Variants in NKAIN2 observed in about 807,000 individuals in gnomAD.
The protein encoded by NKAIN2 is sodium/potassium-transporting ATPase subunit beta-1-interacting protein 2.
In NKAIN2, 14 loss-of-function variants were observed where a neutral mutation model predicts 32.6. The observed-to-expected ratio is 0.43, with a 90% CI of 0.28 to 0.67. The LOEUF is 0.67. Ranked by LOEUF, NKAIN2 falls within the 30% of genes least tolerant of loss-of-function variation. NKAIN2 has a pLI of 0.17. For synonymous variants in NKAIN2, 80 were observed against 87.2 expected, an observed-to-expected ratio of 0.92 and a Z score of 0.46; for missense variants, 198 against 258.3, an observed-to-expected ratio of 0.77 and a Z score of 1.60.
chr6:124,344,310 T>C (rs964366327), intron 2 of NKAIN2, among the ~76,000 whole-genome samples: 1 of 152,144 alleles, frequency 6.6e-6, no homozygotes, highest in Non-Finnish European at 1.5e-5. Context: ...CACTTGGTGA[T>C]GCGGGCTCTT....
rs575109489 is a variant in NKAIN2 at position 123,866,177 on chromosome 6, C to T, written c.54+61923C>T. Among the ~76,000 whole-genome samples the T allele has an allele frequency of 3.9e-5, 6 of 152,286 alleles. No homozygotes were observed. The South Asian group carries it at 1.2e-3, about 32-fold the overall frequency. ...TCAGTGCCGTTGGTTATTTAGTTTT[C>T]TCTCCCCTGTACCTTTAACATCTCT... is the stretch of plus-strand genomic sequence containing the variant. On this transcript the variant is annotated intron_variant, in intron 1 of 6. Coordinates refer to ENST00000368417, the MANE Select transcript of NKAIN2 (RefSeq NM_001040214.3).
intron 1 of NKAIN2, among the ~76,000 whole-genome samples, chr6:123,886,095 A>G (rs981602941): frequency 2.6e-5 from 4 of 152,074 alleles, no homozygotes; most frequent in Non-Finnish European, 5.9e-5. Flanking sequence ...TTACCTATCA[A>G]ATTAACCAGA....
chr6:124,520,177 G>A (rs1402774614), intron 3 of NKAIN2, among the ~76,000 whole-genome samples: 1 of 152,004 alleles, frequency 6.6e-6, no homozygotes, highest in African/African-American at 2.4e-5. Flanking sequence ...CTCAAAGTGT[G>A]GAATTTAGCT....
intron 1 of NKAIN2, among the ~76,000 whole-genome samples, chr6:124,164,212 A>G (rs1305736306): frequency 6.6e-6 from 1 of 152,054 alleles, no homozygotes; most frequent in Non-Finnish European, 1.5e-5. Context: ...CTCTTAATAT[A>G]CTTTCATTTT....
At chr6:124,377,480 C>T (rs757369422) in intron 3 of NKAIN2, among the ~76,000 whole-genome samples, 2 of 152,074 alleles carry the variant, frequency 1.3e-5, no homozygotes, top group East Asian at 3.9e-4. Flanking sequence ...TGGGACTTAA[C>T]TGAAATTTGG....
At chr6:123,851,244 A>ATTTTTTTT (rs59287833) in intron 1 of NKAIN2, among the ~76,000 whole-genome samples, 22 of 88,196 alleles carry the variant, frequency 2.5e-4, no homozygotes, top group East Asian at 8.0e-4. Context: ...TGGTGGTTCT[A>ATTTTTTTT]TTTTTTTTTT....
At chr6:123,900,531 A>ATTT (rs1774515956) in intron 1 of NKAIN2, among the ~76,000 whole-genome samples, 4 of 23,848 alleles carry the variant, frequency 1.7e-4, no homozygotes, top group Non-Finnish European at 5.7e-4. Context: ...TCTCCAGATT[A>ATTT]GTTTTTTTTT....
intron 4 of NKAIN2, among the ~76,000 whole-genome samples, chr6:124,696,295 C>CAG (rs1184414586): frequency 1.3e-5 from 2 of 152,018 alleles, no homozygotes; most frequent in African/African-American, 4.8e-5. Context: ...AGGAGAAGCT[C>CAG]AGAGAGAGAG....
At chr6:124,261,630 T>A (rs1236743662) in intron 1 of NKAIN2, among the ~76,000 whole-genome samples, 1 of 152,086 alleles carries the variant, frequency 6.6e-6, no homozygotes, top group African/African-American at 2.4e-5. Context: ...GGGGCCAAGG[T>A]AGGTGGATCA....
At chr6:124,357,146 A>G (rs1346043596) in intron 3 of NKAIN2, among the ~76,000 whole-genome samples, 1 of 152,164 alleles carries the variant, frequency 6.6e-6, no homozygotes, top group Non-Finnish European at 1.5e-5. Context: ...GAAACAGTTG[A>G]TAATATTTTA....
At chr6:124,021,236 C>G (rs756192458) in intron 1 of NKAIN2, among the ~76,000 whole-genome samples, 1 of 152,022 alleles carries the variant, frequency 6.6e-6, no homozygotes, top group Non-Finnish European at 1.5e-5. Context: ...CACACACGTA[C>G]ACACACGTAA....
chr6:124,070,769 A>T (rs1783422535), intron 1 of NKAIN2, among the ~76,000 whole-genome samples: 1 of 152,170 alleles, frequency 6.6e-6, no homozygotes, highest in Non-Finnish European at 1.5e-5. Context: ...TCCAAAATTC[A>T]TATGGAACCA....
At chr6:124,372,477 A>C (rs1799810768) in intron 3 of NKAIN2, among the ~76,000 whole-genome samples, 1 of 152,072 alleles carries the variant, frequency 6.6e-6, no homozygotes, top group Non-Finnish European at 1.5e-5. Context: ...AATTCACTAG[A>C]ATTGCTGTTC....
chr6:123,826,633 T>G (rs1582602181), intron 1 of NKAIN2, among the ~76,000 whole-genome samples: 1 of 152,310 alleles, frequency 6.6e-6, no homozygotes, highest in Admixed American at 6.5e-5. Flanking sequence ...TGAGCCTGAC[T>G]TATTTCCCTT....
At chr6:124,348,879 G>A (rs999535302) in intron 2 of NKAIN2, among the ~76,000 whole-genome samples, 4 of 152,082 alleles carry the variant, frequency 2.6e-5, no homozygotes, top group South Asian at 2.1e-4. Context: ...CTGGAAAATC[G>A]GGTCACTCCC....
chr6:124,717,087 T>C (rs1291783781), intron 4 of NKAIN2, among the ~76,000 whole-genome samples: 2 of 152,228 alleles, frequency 1.3e-5, no homozygotes, highest in Non-Finnish European at 2.9e-5. Flanking sequence ...GATCCAGAAC[T>C]ACAGTACACA....
chr6:124,059,423 T>G (rs1361437911), intron 1 of NKAIN2, among the ~76,000 whole-genome samples: 1 of 152,080 alleles, frequency 6.6e-6, no homozygotes, highest in African/African-American at 2.4e-5. Context: ...TTAACAGACT[T>G]TAAAGTCTGA....
chr6:124,207,131 A>T (rs988257682), intron 1 of NKAIN2, among the ~76,000 whole-genome samples: 5 of 151,764 alleles, frequency 3.3e-5, no homozygotes, highest in African/African-American at 1.2e-4. Context: ...TTGTTTCAAC[A>T]TAATAAGGAA....
chr6:124,110,569 C>G (rs1785336305), intron 1 of NKAIN2, among the ~76,000 whole-genome samples: 1 of 151,934 alleles, frequency 6.6e-6, no homozygotes, highest in Admixed American at 6.6e-5. Flanking sequence ...TTAGTAGTCC[C>G]TAGTGTCTGT....
Sources: allele counts gnomAD v4.1 joint callset (sites outside exome capture counted in the v4.1 genomes callset), GRCh38; gene constraint gnomAD v4.1.1; transcripts MANE v1.5; gene names NCBI Gene and HGNC (gene_info 2026-07-23, HGNC 2026-07-21).